The following SLC10A6 variants were observed in gnomAD, a reference collection of about 807,000 sequenced individuals.
SLC10A6 encodes solute carrier family 10 member 6, also known as sodium-dependent organic anion transporter.
In SLC10A6, 27 loss-of-function variants were observed where a neutral mutation model predicts 30.0. The observed-to-expected ratio is 0.90, with a 90% confidence interval of 0.66 to 1.24. The LOEUF (loss-of-function observed/expected upper bound fraction) is 1.24, where lower values mean the gene tolerates loss of function less well. Among genes scored for constraint, SLC10A6 ranks in the 50% most tolerant of loss-of-function variants. The pLI is 0.00. For synonymous variants in SLC10A6, 166 were observed against 173.8 expected, an observed-to-expected ratio of 0.95 and a Z score of 0.36; for missense variants, 439 against 457.0, an observed-to-expected ratio of 0.96 and a Z score of 0.36.
At chr4:86,827,869 T>G (rs1746021807) in intron 4 of SLC10A6, 124 bp downstream of exon 4, 2 of 765,576 alleles carry the variant, frequency 2.6e-6, no homozygotes, top group Non-Finnish European at 3.9e-6. Flanking sequence ...TGCTTAGTTA[T>G]CCTGTCGATT....
At chr4:86,844,228 T>C (rs1578760889) in intron 1 of SLC10A6, among the ~76,000 whole-genome samples, 1 of 152,140 alleles carries the variant, frequency 6.6e-6, no homozygotes, top group East Asian at 1.9e-4. Flanking sequence ...AACTGAAGCA[T>C]AGAAAATGTG....
intron 1 of SLC10A6, among the ~76,000 whole-genome samples, chr4:86,846,343 A>G (rs1004134834): frequency 6.6e-6 from 1 of 152,184 alleles, no homozygotes. Flanking sequence ...GAGGAAAAGT[A>G]GCTAATATTT....
Position 86,828,105 on chromosome 4 carries a change from T to C in SLC10A6, c.649A>G (p.Lys217Glu), listed in dbSNP as rs779545121. Residue 217 changes from lysine to glutamate, a missense_variant, in exon 4 of 6, where the codon AAA (lysine) becomes GAA (glutamate). By Grantham distance (56) the Lys-to-Glu change is moderately conservative. Transcript: ENST00000273905. ...VVAVAGVVLA[K>E]GSWNSDITLL... ...GTGATGTCTGAATTCCAAGATCCTT[T>C]CGCCAGGACCACACCAGCAACTGCG... 6 of 1,613,858 alleles carry C rather than the reference T, an allele frequency of 3.7e-6. No homozygotes were observed. In the East Asian group the frequency reaches 1.3e-4, roughly 36 times the overall value.
Position 86,831,782 on chromosome 4 carries a change from A to G in SLC10A6, c.585+10T>C, listed in dbSNP as rs754644897. ...GAGGACGTGCCAACAGTGGCCATGA[A>G]GTCACTCACCTTGAGAATGATTTTG... On this transcript the variant is annotated intron_variant, in intron 3 of 5. Coordinates refer to ENST00000273905, the MANE Select transcript of SLC10A6 (RefSeq NM_197965.3). The G allele has an allele frequency of 2.5e-6, 4 of 1,609,022 alleles. No homozygotes were observed. The Admixed American group carries it at 6.7e-5, about 27-fold the overall frequency.
intron 1 of SLC10A6, among the ~76,000 whole-genome samples, chr4:86,842,707 A>AAAAAGAAAAGAAAAG (rs527444104): frequency 1.1e-5 from 1 of 87,608 alleles, no homozygotes; most frequent in African/African-American, 4.8e-5. Context: ...CAAAAAAAAA[A>AAAAAGAAAAGAAAAG]AAAAGAAAAG....
intron 1 of SLC10A6, chr4:86,837,662 C>T (rs1305469233): frequency 3.1e-6 from 3 of 981,948 alleles, no homozygotes; most frequent in Admixed American, 6.2e-5. Context: ...TTTGTACCTA[C>T]CTGAGTGATA....
At chr4:86,834,977 G>C (rs1746155550) in intron 1 of SLC10A6, among the ~76,000 whole-genome samples, 1 of 152,066 alleles carries the variant, frequency 6.6e-6, no homozygotes, top group South Asian at 2.1e-4. Flanking sequence ...TATCACCAAG[G>C]AGATGGCATT....
At chr4:86,837,017 A>G (rs1746197125) in intron 1 of SLC10A6, among the ~76,000 whole-genome samples, 1 of 151,906 alleles carries the variant, frequency 6.6e-6, no homozygotes, top group Non-Finnish European at 1.5e-5. Context: ...TCGGCCTCCT[A>G]AAGTGCATGA....
In SLC10A6 at chr4:86,839,081, C is replaced by T. The variant is rs182501714; in HGVS notation, c.378-5657G>A. Among the ~76,000 whole-genome samples, 5 of 151,650 alleles carry T rather than the reference C, an allele frequency of 3.3e-5. No individual in the cohort carries two copies. In the East Asian group the frequency reaches 9.7e-4, roughly 29 times the overall value. The stretch of plus-strand genomic sequence containing the variant: ...TCTTTTATTTTTCTTTTAAGCAGTC[C>T]ATTTATTTCATGATTGTTTGTTAAA... On this transcript the variant is annotated intron_variant, in intron 1 of 5. Coordinates refer to ENST00000273905, the MANE Select transcript of SLC10A6 (RefSeq NM_197965.3).
rs1746120505 is a variant in SLC10A6, at chr4:86,833,363, G to C, written c.439C>G (p.Leu147Val). The C allele has an allele frequency of 1.2e-6, 2 of 1,614,022 alleles. No homozygotes were observed. The highest frequency in any genetic ancestry group is 1.7e-6 in the Non-Finnish European group (2 of 1,179,956). The change falls in exon 2 of 6, where the codon CTC (leucine) becomes GTC (valine). Residue 147 changes from leucine to valine, a missense_variant. Physicochemically the swap from Leu to Val is conservative, Grantham distance 32 (BLOSUM62 1). Coordinates refer to ENST00000273905, the MANE Select transcript of SLC10A6 (RefSeq NM_197965.3). ...ALGMMPLCIY[L>V]YTWSWSLQQN... ...TGAAGACTCCAGGACCAGGTGTAGAGATAAATGCAGAGTGGCATCATTCCC... is the reference window on the plus strand; with the variant it reads ...TGAAGACTCCAGGACCAGGTGTAGACATAAATGCAGAGTGGCATCATTCCC...
rs1242857650 is a variant in SLC10A6 at position 86,837,274 on chromosome 4, A to G, written c.378-3850T>C. Among the ~76,000 whole-genome samples, 8 of 116,190 alleles carry G rather than the reference A, an allele frequency of 6.9e-5. No individual in the cohort carries two copies. The Middle Eastern group carries it at 0.012, about 180-fold the overall frequency. 76.2% of individuals were successfully genotyped at this position (116,190 alleles called of 152,430 possible). A position where few individuals can be genotyped will look rare whatever the true frequency, so the allele number is the denominator to read the frequency against. On this transcript the variant is annotated intron_variant, in intron 1 of 5. Transcript: ENST00000273905. ...AAGAAAGAAAGAAAGAAAGAAAGAA[A>G]GAAAGAAAGAAAAAGAAAGGAAGGA...
At position 86,823,743 on chromosome 4, in the gene SLC10A6, G is replaced by A; in HGVS notation, c.1079C>T (p.Pro360Leu). The change falls in exon 6 of 6, where the codon CCA (proline) becomes CTA (leucine). Residue 360 changes from proline to leucine, a missense_variant. By Grantham distance (98) the Pro-to-Leu change is moderately conservative. Coordinates refer to ENST00000273905, the MANE Select transcript of SLC10A6 (RefSeq NM_197965.3). ...CTCGAGAGCCCTGTGGCAATCCATT[G>A]GCCCTGGTGGCCCAGGAGTGATGGC... The part of the protein sequence containing the change: ...EGAITPGPPG[P>L]MDCHRALEPV... The A allele has an allele frequency of 6.2e-7, 1 of 1,614,082 alleles. No homozygotes were observed. Among genetic ancestry groups the A allele is most frequent in the Non-Finnish European group, 8.5e-7 (1 of 1,179,996 alleles).
At position 86,831,255 on chromosome 4, in the gene SLC10A6, G is replaced by A. The variant is rs190299177; in HGVS notation, c.585+537C>T. On this transcript the variant is annotated intron_variant, in intron 3 of 5. Transcript: ENST00000273905. ...AAGTTCTAGTCACCATCATTCCATA[G>A]CTAGACTCCTCAGTGCTTCCTGGAT... is the stretch of plus-strand genomic sequence containing the variant. 1.4e-4 allele frequency among the ~76,000 whole-genome samples: 22 copies of A among 152,328 alleles called. No homozygotes were observed. In the East Asian group the frequency reaches 4.0e-3, roughly 28 times the overall value.
At chr4:86,826,918 G>A (rs1387503311) in intron 4 of SLC10A6, among the ~76,000 whole-genome samples, 3 of 152,116 alleles carry the variant, frequency 2.0e-5, no homozygotes, top group East Asian at 1.9e-4. Context: ...AAGTAACAAG[G>A]GTGTGTAATG....
intron 5 of SLC10A6, 57 bp downstream of exon 5, chr4:86,825,363 A>C (rs1745961668): frequency 6.6e-7 from 1 of 1,517,264 alleles, no homozygotes; most frequent in Non-Finnish European, 9.0e-7. Flanking sequence ...AAAAGTTGGT[A>C]AGTTGGGGTG....
chr4:86,828,253 G>T, intron 3 of SLC10A6, 85 bp from the exon 4 acceptor site: 1 of 1,402,732 alleles, frequency 7.1e-7, no homozygotes, highest in East Asian at 2.4e-5. Context: ...TAAAATGCTT[G>T]GGATCTAGAA....
Position 86,831,799 on chromosome 4 carries a change from A to T in SLC10A6, c.578T>A (p.Ile193Asn). 6.2e-7 allele frequency: 1 copy of T among 1,612,556 alleles called. No individual in the cohort carries two copies. Among genetic ancestry groups the T allele is most frequent in the African/African-American group, 1.3e-5 (1 of 74,986 alleles). Residue 193 changes from isoleucine (I) to asparagine (N), a missense_variant, in exon 3 of 6, where the codon ATT becomes AAT. Ile to Asn is a moderately radical substitution (Grantham distance 149, BLOSUM62 -3). Coordinates refer to ENST00000273905, the MANE Select transcript of SLC10A6 (RefSeq NM_197965.3). ...NYRWPKQSKI[I>N]LKIGAVVGGV... ...GGCCATGAAGTCACTCACCTTGAGAATGATTTTGGATTGTTTTGGCCATCT... is the reference window on the plus strand; with the variant it reads ...GGCCATGAAGTCACTCACCTTGAGATTGATTTTGGATTGTTTTGGCCATCT...
intron 3 of SLC10A6, among the ~76,000 whole-genome samples, chr4:86,829,271 C>A (rs1249263796): frequency 6.6e-6 from 1 of 152,000 alleles, no homozygotes; most frequent in Non-Finnish European, 1.5e-5. Context: ...ATTAGCCAGG[C>A]GTGGTGACAC....
chr4:86,831,971 C>T (rs1746089098), intron 2 of SLC10A6, 91 bp from the exon 3 acceptor site: 1 of 1,022,722 alleles, frequency 9.8e-7, no homozygotes, highest in Admixed American at 2.0e-5. Flanking sequence ...TAGGTAACAG[C>T]TTTAAACTGA....
Sources: allele counts gnomAD v4.1 joint callset (sites outside exome capture counted in the v4.1 genomes callset), GRCh38; gene constraint gnomAD v4.1.1; transcripts MANE v1.5; gene names NCBI Gene and HGNC (gene_info 2026-07-23, HGNC 2026-07-21).